Variants in FHIT observed in about 807,000 individuals in gnomAD.
FHIT encodes fragile histidine triad diadenosine triphosphatase.
FHIT carries 19 observed loss-of-function variants against 17.9 expected under a neutral mutation model. That is an observed-to-expected ratio of 1.06 (90% confidence interval 0.74 to 1.56). The LOEUF is 1.56. Among genes scored for constraint, FHIT ranks in the 40% most tolerant of loss-of-function variants. The pLI is 0.00. For synonymous variants in FHIT, 81 were observed against 69.7 expected, an observed-to-expected ratio of 1.16 and a Z score of -0.81; for missense variants, 248 against 189.2, an observed-to-expected ratio of 1.31 and a Z score of -1.82.
chr3:60,661,561 A>G (rs966031887), intron 4 of FHIT, among the ~76,000 whole-genome samples: 1 of 152,180 alleles, frequency 6.6e-6, no homozygotes, highest in Non-Finnish European at 1.5e-5. Context: ...TCCTCTGGGT[A>G]GATACCCAAT....
At position 59,870,964 on chromosome 3, in the gene FHIT, T is replaced by C. The variant is rs549809135; in HGVS notation, c.348+51382A>G. Among the ~76,000 whole-genome samples the C allele has an allele frequency of 4.7e-3, 710 of 152,192 alleles. 5 individuals are homozygous for C. Among genetic ancestry groups the C allele is most frequent in the Middle Eastern group, 0.014 (4 of 294 alleles). ...TGACTACTACATAGTTCATACCACATGTGACTTGCCACACAAGTCTGATCA... is the reference window on the plus strand; with the variant it reads ...TGACTACTACATAGTTCATACCACACGTGACTTGCCACACAAGTCTGATCA... On this transcript the variant is annotated intron_variant, in intron 8 of 9. Transcript: ENST00000492590.
intron 3 of FHIT, among the ~76,000 whole-genome samples, chr3:61,014,479 A>AAT (rs1447403923): frequency 6.6e-6 from 1 of 151,824 alleles, no homozygotes; most frequent in Non-Finnish European, 1.5e-5. Flanking sequence ...TAAGCTTAAA[A>AAT]ATATATATAC....
At chr3:60,357,746 A>G (rs980670432) in intron 5 of FHIT, among the ~76,000 whole-genome samples, 3 of 152,196 alleles carry the variant, frequency 2.0e-5, no homozygotes, top group African/African-American at 7.2e-5. Context: ...TATTTAACAT[A>G]TTGCAAAGCA....
chr3:60,535,298 A>G (rs2035940776), intron 5 of FHIT, among the ~76,000 whole-genome samples: 1 of 152,204 alleles, frequency 6.6e-6, no homozygotes, highest in Non-Finnish European at 1.5e-5. Flanking sequence ...GTGAATTTAG[A>G]CAAATGGATC....
intron 4 of FHIT, among the ~76,000 whole-genome samples, chr3:60,541,401 T>C (rs2036181289): frequency 6.6e-6 from 1 of 152,192 alleles, no homozygotes; most frequent in African/African-American, 2.4e-5. Flanking sequence ...CTGTGATTAT[T>C]TCCCTCCCCA....
chr3:61,213,625 G>C (rs2039565622), intron 1 of FHIT, among the ~76,000 whole-genome samples: 1 of 152,160 alleles, frequency 6.6e-6, no homozygotes, highest in Admixed American at 6.5e-5. Context: ...AGGATATCCA[G>C]GTATTGAACT....
intron 5 of FHIT, among the ~76,000 whole-genome samples, chr3:60,500,303 G>T (rs980273398): frequency 2.6e-5 from 4 of 152,112 alleles, no homozygotes; most frequent in Non-Finnish European, 5.9e-5. Context: ...AAGTTTGCTA[G>T]CTCCTGGTCT....
intron 3 of FHIT, among the ~76,000 whole-genome samples, chr3:60,950,452 A>G (rs1708826515): frequency 6.6e-6 from 1 of 151,948 alleles, no homozygotes; most frequent in South Asian, 2.1e-4. Context: ...ATAAAATATT[A>G]AAGAAGAAGG....
At position 60,247,424 on chromosome 3, in the gene FHIT, TGATGAA is replaced by T. The variant is rs142415382; in HGVS notation, c.104-233278_104-233273del. Among the ~76,000 whole-genome samples the T allele has an allele frequency of 2.2e-3, 333 of 151,248 alleles. 1 individual carries two copies. Among genetic ancestry groups the T allele is most frequent in the Middle Eastern group, 6.8e-3 (2 of 294 alleles). ...AAGAAAGAAAGAAGAAGGAAGAAGATGATGAAGATGAAGATGAAGATGAAGAAGAAG... is the reference window on the plus strand; with the variant it reads ...AAGAAAGAAAGAAGAAGGAAGAAGATGATGAAGATGAAGATGAAGAAGAAG... On this transcript the variant is annotated intron_variant, in intron 5 of 9. Transcript: ENST00000492590.
At chr3:61,034,040 G>A (rs1383144876) in intron 3 of FHIT, among the ~76,000 whole-genome samples, 35 of 152,154 alleles carry the variant, frequency 2.3e-4, no homozygotes, top group Non-Finnish European at 1.5e-5. Flanking sequence ...AGCAAATTGT[G>A]CTGGAACAAC....
At chr3:60,120,760 G>A (rs2107218978) in intron 5 of FHIT, among the ~76,000 whole-genome samples, 1 of 152,204 alleles carries the variant, frequency 6.6e-6, no homozygotes, top group East Asian at 1.9e-4. Flanking sequence ...TCTTCTGCAG[G>A]ATCCTAAAGA....
chr3:60,383,561 G>A (rs1700892501), intron 5 of FHIT, among the ~76,000 whole-genome samples: 1 of 151,728 alleles, frequency 6.6e-6, no homozygotes, highest in African/African-American at 2.4e-5. Flanking sequence ...CACCCAAAAT[G>A]TCAACAACGC....
intron 5 of FHIT, among the ~76,000 whole-genome samples, chr3:60,030,687 C>T (rs949145827): frequency 1.3e-5 from 2 of 152,240 alleles, no homozygotes; most frequent in Middle Eastern, 3.4e-3. Context: ...GCCCATAGAG[C>T]ACTTGCTAAA....
At position 59,912,621 on chromosome 3, in the gene FHIT, T is replaced by G. The variant is rs996118592; in HGVS notation, c.348+9725A>C. 8.3e-4 allele frequency among the ~76,000 whole-genome samples: 126 copies of G among 152,218 alleles called. 2 individuals carry two copies. Among genetic ancestry groups the G allele is most frequent in the Non-Finnish European group, 1.6e-4 (11 of 68,036 alleles). On this transcript the variant is annotated intron_variant, in intron 8 of 9. Transcript: ENST00000492590. ...AAGCCAGTGAAATTTCATATATAGATTTGACCTAACTGTGCAATGTTCTTT... is the reference window on the plus strand; with the variant it reads ...AAGCCAGTGAAATTTCATATATAGAGTTGACCTAACTGTGCAATGTTCTTT...
chr3:60,201,887 G>T (rs1474015532), intron 5 of FHIT, among the ~76,000 whole-genome samples: 1 of 151,508 alleles, frequency 6.6e-6, no homozygotes, highest in Non-Finnish European at 1.5e-5. Flanking sequence ...ATTCTTGATT[G>T]AATTTTGTTA....
chr3:60,527,357 G>A (rs543702062), intron 5 of FHIT, among the ~76,000 whole-genome samples: 2 of 152,288 alleles, frequency 1.3e-5, no homozygotes, highest in East Asian at 1.9e-4. Flanking sequence ...GTGAATGGAA[G>A]GGTATCATGG....
chr3:60,562,344 A>C (rs750424419), intron 4 of FHIT, among the ~76,000 whole-genome samples: 6 of 152,196 alleles, frequency 3.9e-5, no homozygotes, highest in Non-Finnish European at 8.8e-5. Flanking sequence ...AGAGCTGGAA[A>C]AACATACATT....
intron 4 of FHIT, among the ~76,000 whole-genome samples, chr3:60,773,274 C>G (rs961235943): frequency 6.6e-6 from 1 of 152,186 alleles, no homozygotes; most frequent in Admixed American, 6.5e-5. Context: ...TAAAACGCAA[C>G]AGTTATCCCA....
chr3:60,690,421 A>G (rs1262736642), intron 4 of FHIT: 3 of 580,252 alleles, frequency 5.2e-6, no homozygotes, highest in African/African-American at 1.9e-5. Context: ...AGCATTTGCC[A>G]TGGACAGGAT....
Sources: gnomAD v4.1 joint callset for allele counts (sites outside exome capture counted in the v4.1 genomes callset) on GRCh38, gnomAD v4.1.1 for gene constraint, MANE v1.5 for transcripts, NCBI Gene and HGNC (gene_info 2026-07-23, HGNC 2026-07-21) for gene names.